SH3D19: variants seen among roughly 807,000 people sequenced by gnomAD.
The protein encoded by SH3D19 is SH3 domain-containing protein 19.
Under a neutral mutation model 112.1 loss-of-function variants are expected in SH3D19, and 58 were observed. The observed-to-expected ratio is 0.52, with a 90% CI of 0.42 to 0.64. The LOEUF is 0.64. Ranked by LOEUF, SH3D19 falls within the 30% of genes least tolerant of loss-of-function variation. The pLI is 0.00. For missense variants in SH3D19, 1,090 were observed against 1,263.4 expected (o/e 0.86, Z 2.08); for synonymous variants, 391 against 448.5 (o/e 0.87, Z 1.62).
intron 1 of SH3D19, chr4:151,279,046 C>G (rs549709994): frequency 2.6e-6 from 1 of 382,680 alleles, no homozygotes; most frequent in Non-Finnish European, 5.0e-6. Context: ...ATGTAGTGTG[C>G]TGTTGTCAGT....
At chr4:151,186,337 T>C (rs1761770340) in intron 3 of SH3D19, among the ~76,000 whole-genome samples, 1 of 152,254 alleles carries the variant, frequency 6.6e-6, no homozygotes, top group African/African-American at 2.4e-5. Flanking sequence ...GATATGGTAG[T>C]ATAAGCCCGT....
chr4:151,173,191 T>G (rs1416937241), intron 7 of SH3D19, among the ~76,000 whole-genome samples: 1 of 152,258 alleles, frequency 6.6e-6, no homozygotes, highest in Non-Finnish European at 1.5e-5. Flanking sequence ...CAAAAGGTAA[T>G]ATTTCTTTAG....
intron 1 of SH3D19, among the ~76,000 whole-genome samples, chr4:151,304,178 A>G (rs1303521636): frequency 6.6e-6 from 1 of 152,150 alleles, no homozygotes; most frequent in Admixed American, 6.6e-5. Context: ...GTGACATCAG[A>G]AAAAATGGCA....
At position 151,148,052 on chromosome 4, in the gene SH3D19, A is replaced by G; in HGVS notation, c.1952T>C (p.Met651Thr). 1 of 1,614,172 alleles carries G rather than the reference A, an allele frequency of 6.2e-7. No homozygotes were observed. ...KLPFNRSSSD[M>T]DLQKKQSNLA... ...GTTACTTTGTTTTTTCTGAAGATCC[A>G]TGTCAGAAGAGGATCGATTAAAAGG... Residue 651 changes from methionine to threonine, a missense_variant, in exon 11 of 20, where the codon ATG becomes ACG. Transcript: ENST00000604030.
chr4:151,167,184 A>C (rs1318348360), intron 7 of SH3D19, among the ~76,000 whole-genome samples: 2 of 152,102 alleles, frequency 1.3e-5, no homozygotes, highest in African/African-American at 2.4e-5. Flanking sequence ...CTCAAAAAAA[A>C]ACTACTATAT....
At chr4:151,286,964 A>C (rs1216598230) in intron 1 of SH3D19, among the ~76,000 whole-genome samples, 1 of 146,594 alleles carries the variant, frequency 6.8e-6, no homozygotes. Flanking sequence ...TGGGTGACAG[A>C]GTGAGATTCT....
chr4:151,319,088 T>C (rs1471914032), intron 1 of SH3D19, among the ~76,000 whole-genome samples: 2 of 152,208 alleles, frequency 1.3e-5, no homozygotes, highest in African/African-American at 4.8e-5. Context: ...TTCACTCTTG[T>C]TGTCCAGGCT....
chr4:151,121,845 T>G lies in SH3D19; in HGVS notation c.*246A>C. ...GCCACCAGATGCTTTCCCTTCACCT[T>G]GCTAATCCCACTAGATGTTTTCCTC... On this transcript the variant is annotated 3_prime_UTR_variant, in exon 20 of 20. Transcript: ENST00000604030. 9.4e-6 allele frequency: 3 copies of G among 320,840 alleles called. No homozygotes were observed. The highest frequency in any genetic ancestry group is 1.7e-5 in the Non-Finnish European group (3 of 177,324). 19.9% of individuals were successfully genotyped at this position (320,840 alleles called of 1,614,324 possible).
At chr4:151,169,445 T>G (rs1457753406) in intron 7 of SH3D19, among the ~76,000 whole-genome samples, 1 of 152,168 alleles carries the variant, frequency 6.6e-6, no homozygotes, top group Non-Finnish European at 1.5e-5. Context: ...CTGCATGTTG[T>G]CTGGGCTGTG....
chr4:151,315,133 T>C (rs1379755717), intron 1 of SH3D19, among the ~76,000 whole-genome samples: 2 of 152,204 alleles, frequency 1.3e-5, no homozygotes, highest in Non-Finnish European at 2.9e-5. Context: ...AATCCTATTC[T>C]GTCACTCCCT....
intron 9 of SH3D19, among the ~76,000 whole-genome samples, chr4:151,155,956 A>T (rs1421976681): frequency 6.6e-6 from 1 of 152,194 alleles, no homozygotes; most frequent in African/African-American, 2.4e-5. Flanking sequence ...CTTAGAATTG[A>T]TAAATGAATT....
At chr4:151,306,132 G>GC (rs1419846659) in intron 1 of SH3D19, among the ~76,000 whole-genome samples, 3 of 152,166 alleles carry the variant, frequency 2.0e-5, no homozygotes, top group Non-Finnish European at 4.4e-5. Context: ...GGAAAGGCGT[G>GC]CACAGGTCTG....
intron 1 of SH3D19, among the ~76,000 whole-genome samples, chr4:151,264,058 G>A (rs1172174641): frequency 6.6e-6 from 1 of 152,048 alleles, no homozygotes; most frequent in Non-Finnish European, 1.5e-5. Flanking sequence ...TCCTGCCTTC[G>A]TCTCCCAAAG....
At chr4:151,250,207 T>C (rs1442080220) in intron 1 of SH3D19, among the ~76,000 whole-genome samples, 1 of 152,134 alleles carries the variant, frequency 6.6e-6, no homozygotes, top group African/African-American at 2.4e-5. Flanking sequence ...GCATAATTTA[T>C]AACAGCAAAA....
chr4:151,208,640 G>A (rs1327777451), intron 2 of SH3D19, among the ~76,000 whole-genome samples: 2 of 151,884 alleles, frequency 1.3e-5, no homozygotes, highest in African/African-American at 4.8e-5. Flanking sequence ...AAAGTGCTGG[G>A]ATTACAGGCA....
intron 3 of SH3D19, 57 bp from the exon 4 acceptor site, chr4:151,179,454 T>C: frequency 9.6e-7 from 1 of 1,045,394 alleles, no homozygotes; most frequent in East Asian, 3.3e-5. Context: ...GGTAAGGGTT[T>C]AAATTTTTAC....
At chr4:151,253,752 AAAAC>A (rs1263004438) in intron 1 of SH3D19, among the ~76,000 whole-genome samples, 7 of 151,344 alleles carry the variant, frequency 4.6e-5, no homozygotes, top group Admixed American at 1.3e-4. Context: ...AAAAAAAAAA[AAAAC>A]AAGAAAACAA....
chr4:151,274,813 T>C (rs185912249), intron 1 of SH3D19, among the ~76,000 whole-genome samples: 9 of 152,320 alleles, frequency 5.9e-5, no homozygotes, highest in Admixed American at 5.2e-4. Flanking sequence ...CTCACAGTTC[T>C]GGAGGCTGGA....
At chr4:151,210,686 C>A (rs912095320) in intron 2 of SH3D19, among the ~76,000 whole-genome samples, 3 of 151,712 alleles carry the variant, frequency 2.0e-5, no homozygotes, top group African/African-American at 4.9e-5. Flanking sequence ...CAGGCGTGAG[C>A]CACTGTGCCT....
Sources: gnomAD v4.1 joint callset for allele counts (sites outside exome capture counted in the v4.1 genomes callset) on GRCh38, gnomAD v4.1.1 for gene constraint, MANE v1.5 for transcripts, NCBI Gene and HGNC (gene_info 2026-07-23, HGNC 2026-07-21) for gene names.